Variants in ESRRG observed in about 807,000 individuals in gnomAD.
ESRRG encodes estrogen-related receptor gamma.
A neutral mutation model predicts 44.0 loss-of-function variants in ESRRG; 13 were observed. The observed-to-expected ratio is 0.30, with a 90% CI of 0.19 to 0.47. The LOEUF (loss-of-function observed/expected upper bound fraction) is 0.47, where lower values mean the gene tolerates loss of function less well. ESRRG is among the 20% of genes least tolerant of loss of function. The pLI is 1.00. For synonymous variants in ESRRG, 215 were observed against 214.6 expected (o/e 1.00, Z -0.02); for missense variants, 395 against 580.6 (o/e 0.68, Z 3.29).
intron 3 of ESRRG, among the ~76,000 whole-genome samples, chr1:216,612,889 G>A (rs957402221): frequency 1.3e-5 from 2 of 152,184 alleles, no homozygotes; most frequent in African/African-American, 4.8e-5. Context: ...AATTATGGAA[G>A]GGGAAAGCCA....
intron 5 of ESRRG, among the ~76,000 whole-genome samples, chr1:216,548,079 A>T (rs2149351246): frequency 6.6e-6 from 1 of 152,190 alleles, no homozygotes; most frequent in Admixed American, 6.6e-5. Context: ...AAAAATTCAC[A>T]TCGGTTTTGC....
chr1:216,885,239 A>G (rs2096498086), intron 2 of ESRRG, among the ~76,000 whole-genome samples: 1 of 152,246 alleles, frequency 6.6e-6, no homozygotes, highest in African/African-American at 2.4e-5. Flanking sequence ...TTAATCATAT[A>G]TAAAATATGT....
At chr1:216,759,572 T>C (rs1383449786) in intron 2 of ESRRG, among the ~76,000 whole-genome samples, 3 of 152,136 alleles carry the variant, frequency 2.0e-5, no homozygotes. Flanking sequence ...CAAAAGATAT[T>C]GGAAGGCAGA....
At chr1:217,117,249 A>G (rs929321113) in intron 1 of ESRRG, among the ~76,000 whole-genome samples, 2 of 152,210 alleles carry the variant, frequency 1.3e-5, no homozygotes, top group African/African-American at 4.8e-5. Context: ...GGAGTTTTGT[A>G]TGGATTAAGT....
At chr1:217,057,443 A>G (rs2087363318) in intron 1 of ESRRG, among the ~76,000 whole-genome samples, 1 of 152,216 alleles carries the variant, frequency 6.6e-6, no homozygotes, top group South Asian at 2.1e-4. Flanking sequence ...TTATAAAAGC[A>G]TGCTGAAAGC....
intron 2 of ESRRG, among the ~76,000 whole-genome samples, chr1:216,903,322 G>C (rs546907703): frequency 1.3e-5 from 2 of 151,958 alleles, no homozygotes; most frequent in Non-Finnish European, 2.9e-5. Context: ...TTGTAGCACC[G>C]GGCCAAGATC....
chr1:216,523,846 C>CA (rs145462321), intron 5 of ESRRG, among the ~76,000 whole-genome samples: 18,222 of 127,200 alleles, frequency 0.14, 1,285 homozygotes, highest in Admixed American at 0.22. Flanking sequence ...TTCTGTTCCA[C>CA]AAAAAAAAAA....
intron 2 of ESRRG, among the ~76,000 whole-genome samples, chr1:216,828,225 A>C (rs1315775699): frequency 1.3e-5 from 2 of 152,188 alleles, no homozygotes; most frequent in East Asian, 3.8e-4. Context: ...GTGACACTTA[A>C]CAGTAATTTA....
intron 3 of ESRRG, among the ~76,000 whole-genome samples, chr1:216,644,503 A>G (rs770973453): frequency 1.2e-4 from 18 of 145,354 alleles, no homozygotes; most frequent in Non-Finnish European, 6.0e-5. Context: ...ATCTCCACTC[A>G]TTGCAACTTC....
chr1:217,016,207 T>A (rs1433832840), intron 1 of ESRRG, among the ~76,000 whole-genome samples: 1 of 152,176 alleles, frequency 6.6e-6, no homozygotes, highest in African/African-American at 2.4e-5. Context: ...TAATGCAGAC[T>A]GAGATAGTCT....
At chr1:216,883,386 G>GAAAAAAAA (rs11318094) in intron 2 of ESRRG, among the ~76,000 whole-genome samples, 1 of 75,842 alleles carries the variant, frequency 1.3e-5, no homozygotes, top group African/African-American at 4.3e-5. Flanking sequence ...ACTTCTCTGA[G>GAAAAAAAA]AAAAAAAAAA....
intron 2 of ESRRG, among the ~76,000 whole-genome samples, chr1:216,796,376 A>G (rs539341345): frequency 2.6e-5 from 4 of 152,296 alleles, no homozygotes; most frequent in Non-Finnish European, 5.9e-5. Context: ...AGGCACAGAG[A>G]CACCGATATT....
intron 2 of ESRRG, among the ~76,000 whole-genome samples, chr1:216,754,743 G>A (rs371680490): frequency 5.5e-5 from 8 of 146,008 alleles, no homozygotes; most frequent in African/African-American, 7.6e-5. Flanking sequence ...ATCTAGTTGC[G>A]TGTTGCGTAA....
chr1:216,636,551 C>G (rs751121053), intron 3 of ESRRG, among the ~76,000 whole-genome samples: 6 of 152,194 alleles, frequency 3.9e-5, no homozygotes, highest in African/African-American at 1.2e-4. Flanking sequence ...GTGCAAATCA[C>G]TCTGGTCTCC....
chr1:216,626,305 G>C (rs112090928), intron 3 of ESRRG, among the ~76,000 whole-genome samples: 1 of 151,706 alleles, frequency 6.6e-6, no homozygotes, highest in Non-Finnish European at 1.5e-5. Flanking sequence ...TCCTACCCTC[G>C]GCTTATTATC....
intron 1 of ESRRG, among the ~76,000 whole-genome samples, chr1:217,052,607 C>T (rs1450693421): frequency 6.6e-6 from 1 of 152,174 alleles, no homozygotes; most frequent in Non-Finnish European, 1.5e-5. Context: ...TCCAAGAGTT[C>T]TTCAAAAGAA....
At chr1:216,630,621 T>C (rs1464788731) in intron 3 of ESRRG, among the ~76,000 whole-genome samples, 1 of 152,172 alleles carries the variant, frequency 6.6e-6, no homozygotes, top group East Asian at 1.9e-4. Flanking sequence ...ACAGCTATAA[T>C]AAAAAGAATT....
At position 216,504,325 on chromosome 1, in the gene ESRRG, C is replaced by T. The variant is rs1207665670; in HGVS notation, c.*2614G>A. The T allele has an allele frequency of 6.6e-6, 1 of 152,122 alleles. No individual in the cohort carries two copies. Among genetic ancestry groups the T allele is most frequent in the African/African-American group, 2.4e-5 (1 of 41,368 alleles). The allele number at this position is 152,122 out of a possible 1,614,324, so 9.4% of individuals were successfully genotyped here. ...ATCTTATAGAATCAGCACCTTTTTT[C>T]CCAGGAGTTGTATTTTCTGTTGTTA... is the stretch of plus-strand genomic sequence containing the variant. On this transcript the variant is annotated 3_prime_UTR_variant, in exon 7 of 7. Transcript: ENST00000408911.
intron 1 of ESRRG, among the ~76,000 whole-genome samples, chr1:217,097,813 T>A (rs1225516532): frequency 6.7e-6 from 1 of 148,782 alleles, no homozygotes; most frequent in Admixed American, 6.9e-5. Context: ...CCATGATCAA[T>A]TTGTAAGTAT....
Sources: gnomAD v4.1 joint callset for allele counts (sites outside exome capture counted in the v4.1 genomes callset) on GRCh38, gnomAD v4.1.1 for gene constraint, MANE v1.5 for transcripts, NCBI Gene and HGNC (gene_info 2026-07-23, HGNC 2026-07-21) for gene names.